The following TMEM254 variants were observed in gnomAD, a reference collection of about 807,000 sequenced individuals.
The protein encoded by TMEM254 is transmembrane protein C10orf57.
TMEM254 carries 16 observed loss-of-function variants against 13.9 expected under a neutral mutation model. The ratio of observed to expected loss-of-function variants is 1.15; its 90% confidence interval spans 0.78 to 1.75. The LOEUF is 1.75. TMEM254 is among the 40% of genes most tolerant of loss of function. The probability of loss-of-function intolerance (pLI) is 0.00; values close to 1 mark genes in which losing one functional copy is unlikely to be tolerated. For synonymous variants in TMEM254, 61 were observed against 56.4 expected (o/e 1.08, Z -0.36); for missense variants, 155 against 149.0 (o/e 1.04, Z -0.21).
chr10:80,078,823 C>A (rs375260687), intron 1 of TMEM254, 37 bp downstream of exon 1: 3 of 1,564,822 alleles, frequency 1.9e-6, no homozygotes, highest in East Asian at 4.8e-5. Context: ...GTCTGACGAA[C>A]GAGCGAGCGC....
Position 80,091,166 on chromosome 10 carries a change from T to C in TMEM254, c.*249T>C, listed in dbSNP as rs189811140. 4 of 360,538 alleles carry C rather than the reference T, an allele frequency of 1.1e-5. No homozygotes were observed. The highest frequency in any genetic ancestry group is 1.5e-5 in the Non-Finnish European group (3 of 200,968). The allele number at this position is 360,538 out of a possible 1,614,324, so 22.3% of individuals were successfully genotyped here. ...TTTTCAATCCTATTTGGCAGAGGAC[T>C]TCAGCTACCTTCTTACAGTCTTTGG... On this transcript the variant is annotated 3_prime_UTR_variant, in exon 4 of 4. Coordinates refer to ENST00000372281, the MANE Select transcript of TMEM254 (RefSeq NM_025125.4).
intron 1 of TMEM254, 140 bp from the exon 2 acceptor site, chr10:80,081,701 A>T: frequency 6.2e-7 from 1 of 1,604,036 alleles, no homozygotes; most frequent in South Asian, 1.1e-5. Context: ...GAAGCCAAGA[A>T]TGGAGACCCA....
intron 3 of TMEM254, 147 bp downstream of exon 3, chr10:80,082,351 G>T: frequency 1.2e-6 from 1 of 832,708 alleles, no homozygotes; most frequent in Non-Finnish European, 1.9e-6. Context: ...TGAGCCTGGA[G>T]CAGAGGCAGT....
chr10:80,080,389 A>G (rs944390867), intron 1 of TMEM254, among the ~76,000 whole-genome samples: 3 of 152,238 alleles, frequency 2.0e-5, no homozygotes, highest in Non-Finnish European at 4.4e-5. Context: ...CAGAGGCTGA[A>G]AGTTAAGATT....
intron 1 of TMEM254, chr10:80,079,296 T>G (rs1046435620): frequency 1.3e-5 from 16 of 1,206,630 alleles, no homozygotes; most frequent in East Asian, 1.2e-4. Flanking sequence ...GACGGTTGTC[T>G]CGGTTACTCA....
intron 3 of TMEM254, chr10:80,090,539 A>T (rs1844530926): frequency 7.2e-6 from 5 of 691,526 alleles, no homozygotes; most frequent in Non-Finnish European, 1.3e-5. Context: ...CATGAGAAAC[A>T]GTCTTATAAT....
chr10:80,090,301 C>T lies in TMEM254; in HGVS notation c.252-496C>T, dbSNP rs1411492978. The T allele has an allele frequency of 2.3e-5, 16 of 703,950 alleles. No homozygotes were observed. In the Middle Eastern group the frequency reaches 2.3e-3, roughly 102 times the overall value. The allele number at this position is 703,950 out of a possible 1,614,324, so 43.6% of individuals were successfully genotyped here. On this transcript the variant is annotated intron_variant, in intron 3 of 3. Coordinates refer to ENST00000372281, the MANE Select transcript of TMEM254 (RefSeq NM_025125.4). Reference sequence around the variant, plus strand: ...TCATGACTGTGTGCCAGGCTCCTTCCTGAGCATGTTGTGTGTATTATCCCA... The same window carrying T: ...TCATGACTGTGTGCCAGGCTCCTTCTTGAGCATGTTGTGTGTATTATCCCA...
At chr10:80,079,561 G>A in intron 1 of TMEM254, 1 of 1,006,936 alleles carries the variant, frequency 9.9e-7, no homozygotes, top group African/African-American at 1.7e-5. Context: ...AGTGGTAAGG[G>A]AGGATAAAGA....
intron 1 of TMEM254, among the ~76,000 whole-genome samples, chr10:80,080,021 G>C (rs1224815858): frequency 6.6e-6 from 1 of 152,252 alleles, no homozygotes; most frequent in Non-Finnish European, 1.5e-5. Flanking sequence ...AGTGTTGTTT[G>C]TTGGTGTCAA....
intron 1 of TMEM254, chr10:80,079,297 C>G (rs910820211): frequency 6.6e-6 from 8 of 1,205,538 alleles, no homozygotes; most frequent in Non-Finnish European, 8.5e-6. Flanking sequence ...ACGGTTGTCT[C>G]GGTTACTCAT....
At position 80,082,126 on chromosome 10, in the gene TMEM254, A is replaced by G; in HGVS notation, c.192-19A>G. On this transcript the variant is annotated intron_variant, in intron 2 of 3. Transcript: ENST00000372281. The stretch of plus-strand genomic sequence containing the variant: ...ATAACTATCACCTTAAAAAAGATTA[A>G]CCTTTTTTTTGGTTTCAGGTATTGG... 1.2e-6 allele frequency: 2 copies of G among 1,613,782 alleles called. No individual in the cohort carries two copies. The highest frequency in any genetic ancestry group is 1.7e-6 in the Non-Finnish European group (2 of 1,179,792).
intron 3 of TMEM254, 160 bp downstream of exon 3, chr10:80,082,364 C>T: frequency 1.4e-6 from 1 of 733,654 alleles, no homozygotes. Context: ...GAGGCAGTAC[C>T]CAGTAAATGT....
rs1186705842 is a variant in TMEM254 at position 80,090,782 on chromosome 10, T to A, written c.252-15T>A. The A allele has an allele frequency of 1.2e-6, 2 of 1,603,764 alleles. No individual in the cohort carries two copies. The highest frequency in any genetic ancestry group is 1.7e-6 in the Non-Finnish European group (2 of 1,177,632). On this transcript the variant is annotated splice_polypyrimidine_tract_variant and intron_variant, in intron 3 of 3. Transcript: ENST00000372281. Reference sequence around the variant, plus strand: ...ATTAACATCTCGTGTTTAAATTTTGTTTTTTCTGTTTTAGGCATAAAGGCA... The same window carrying A: ...ATTAACATCTCGTGTTTAAATTTTGATTTTTCTGTTTTAGGCATAAAGGCA...
chr10:80,086,769 A>T (rs1324492809), intron 3 of TMEM254, among the ~76,000 whole-genome samples: 1 of 149,990 alleles, frequency 6.7e-6, no homozygotes, highest in Non-Finnish European at 1.5e-5. Context: ...TGAACCCAGG[A>T]GGTGGAGGTT....
intron 1 of TMEM254, chr10:80,079,259 G>C (rs1344762397): frequency 8.1e-7 from 1 of 1,231,876 alleles, no homozygotes; most frequent in African/African-American, 1.6e-5. Flanking sequence ...GGAGCTCTGG[G>C]AACGGGGCCT....
intron 1 of TMEM254, chr10:80,079,203 C>CGGGGGGGGGG: frequency 2.9e-6 from 1 of 345,652 alleles, no homozygotes; most frequent in Non-Finnish European, 5.1e-6. Context: ...TGGGGTGGGG[C>CGGGGGGGGGG]GGGGCGGGCC....
intron 3 of TMEM254, among the ~76,000 whole-genome samples, chr10:80,089,496 C>A (rs1844470262): frequency 6.6e-6 from 1 of 151,994 alleles, no homozygotes; most frequent in Non-Finnish European, 1.5e-5. Flanking sequence ...CAAAGCAAGA[C>A]ACTGTCTCTA....
intron 3 of TMEM254, among the ~76,000 whole-genome samples, chr10:80,083,815 A>C (rs781373641): frequency 2.6e-5 from 4 of 152,114 alleles, no homozygotes; most frequent in Non-Finnish European, 4.4e-5. Flanking sequence ...AGTGGCTTAC[A>C]CCTATAATCC....
intron 3 of TMEM254, among the ~76,000 whole-genome samples, chr10:80,089,874 G>A (rs761322543): frequency 4.6e-5 from 7 of 151,526 alleles, no homozygotes; most frequent in South Asian, 2.1e-4. Context: ...GCGTGGTGGC[G>A]GGCTCCTGTA....
Sources: gnomAD v4.1 joint callset for allele counts (sites outside exome capture counted in the v4.1 genomes callset) on GRCh38, gnomAD v4.1.1 for gene constraint, MANE v1.5 for transcripts, NCBI Gene and HGNC (gene_info 2026-07-23, HGNC 2026-07-21) for gene names.